The following ZBTB20 variants were observed in gnomAD, a reference collection of about 807,000 sequenced individuals.
ZBTB20 encodes zinc finger and BTB domain containing 20.
ZBTB20 carries 9 observed loss-of-function variants against 56.9 expected under a neutral mutation model. The observed-to-expected ratio is 0.16, with a 90% CI of 0.10 to 0.28. The LOEUF is 0.28. Among genes scored for constraint, ZBTB20 ranks in the 10% least tolerant of loss-of-function variants. The probability of loss-of-function intolerance (pLI) is 1.00; values close to 1 mark genes in which losing one functional copy is unlikely to be tolerated. For synonymous variants in ZBTB20, 417 were observed against 420.7 expected (o/e 0.99, Z 0.11); for missense variants, 655 against 1,003.0 (o/e 0.65, Z 4.69).
chr3:115,037,758 A>T lies in ZBTB20; in HGVS notation c.-507+33461T>A, dbSNP rs1320997548. Among the ~76,000 whole-genome samples, 3 of 152,324 alleles carry T rather than the reference A, an allele frequency of 2.0e-5. No individual in the cohort carries two copies. The East Asian group carries it at 5.8e-4, about 29-fold the overall frequency. ...GAAGTATAAATACATTGGAAGAATTAATCTAGGGGGAGGAATGTGGTTTAA... is the reference window on the plus strand; with the variant it reads ...GAAGTATAAATACATTGGAAGAATTTATCTAGGGGGAGGAATGTGGTTTAA... On this transcript the variant is annotated intron_variant, in intron 2 of 11. Transcript: ENST00000675478.
chr3:115,124,438 C>T (rs929904539), intron 1 of ZBTB20, among the ~76,000 whole-genome samples: 2 of 152,122 alleles, frequency 1.3e-5, no homozygotes, highest in Non-Finnish European at 2.9e-5. Context: ...TTAAAAAATA[C>T]ATATGCATTG....
intron 10 of ZBTB20, among the ~76,000 whole-genome samples, chr3:114,360,404 C>T (rs1225074001): frequency 3.4e-5 from 5 of 147,744 alleles, no homozygotes; most frequent in South Asian, 2.1e-4. Flanking sequence ...AGTGCAGTGG[C>T]GCGATCTCCA....
chr3:115,133,025 T>C (rs538161137), intron 1 of ZBTB20, among the ~76,000 whole-genome samples: 27 of 152,302 alleles, frequency 1.8e-4, no homozygotes, highest in African/African-American at 6.0e-4. Context: ...ATTATACATT[T>C]TTTACTATAT....
intron 2 of ZBTB20, among the ~76,000 whole-genome samples, chr3:115,024,531 A>AC (rs2080340496): frequency 6.6e-6 from 1 of 151,100 alleles, no homozygotes; most frequent in Admixed American, 6.6e-5. Flanking sequence ...CCCTTAAGGC[A>AC]CCCCTTTTGG....
intron 3 of ZBTB20, among the ~76,000 whole-genome samples, chr3:114,953,018 A>G (rs2077124564): frequency 6.6e-6 from 1 of 152,116 alleles, no homozygotes; most frequent in African/African-American, 2.4e-5. Flanking sequence ...CAAAATTACA[A>G]CATTATCTGA....
chr3:114,735,668 G>C (rs768490668), intron 5 of ZBTB20, among the ~76,000 whole-genome samples: 3 of 151,996 alleles, frequency 2.0e-5, no homozygotes, highest in Non-Finnish European at 4.4e-5. Flanking sequence ...TGATAACCAA[G>C]AAATAAGTCA....
intron 5 of ZBTB20, among the ~76,000 whole-genome samples, chr3:114,718,653 T>C (rs932844100): frequency 6.6e-6 from 1 of 152,084 alleles, no homozygotes; most frequent in Non-Finnish European, 1.5e-5. Context: ...TAACTTCTTT[T>C]GAATGTGATA....
intron 3 of ZBTB20, among the ~76,000 whole-genome samples, chr3:114,901,704 A>G (rs1353970632): frequency 6.6e-6 from 1 of 152,126 alleles, no homozygotes; most frequent in Non-Finnish European, 1.5e-5. Flanking sequence ...TTAACAAGGT[A>G]CTTTAAAGAA....
chr3:114,839,645 T>C (rs911692595), intron 4 of ZBTB20, among the ~76,000 whole-genome samples: 1 of 152,100 alleles, frequency 6.6e-6, no homozygotes, highest in African/African-American at 2.4e-5. Context: ...GTGACCTTAT[T>C]TGGAAAAAGG....
intron 2 of ZBTB20, among the ~76,000 whole-genome samples, chr3:115,037,094 G>T (rs765969795): frequency 2.0e-5 from 3 of 152,102 alleles, no homozygotes; most frequent in Admixed American, 6.5e-5. Context: ...TGTTTATTAA[G>T]CTTTTACTAA....
At chr3:114,681,195 C>T (rs1242594696) in intron 6 of ZBTB20, among the ~76,000 whole-genome samples, 2 of 148,738 alleles carry the variant, frequency 1.3e-5, no homozygotes, top group African/African-American at 2.5e-5. Context: ...AGTCTCACTC[C>T]GTAACCCAGA....
chr3:114,884,961 A>G (rs1311908113), intron 4 of ZBTB20, among the ~76,000 whole-genome samples: 2 of 152,194 alleles, frequency 1.3e-5, no homozygotes, highest in African/African-American at 2.4e-5. Flanking sequence ...AATGAATTCA[A>G]TCCCTCCCTT....
intron 6 of ZBTB20, among the ~76,000 whole-genome samples, chr3:114,692,113 G>C (rs1196018312): frequency 6.6e-6 from 1 of 152,154 alleles, no homozygotes; most frequent in Non-Finnish European, 1.5e-5. Flanking sequence ...AAACTGGCTT[G>C]TTTGCAAGCC....
At chr3:114,672,693 C>T (rs1369703214) in intron 6 of ZBTB20, among the ~76,000 whole-genome samples, 1 of 152,128 alleles carries the variant, frequency 6.6e-6, no homozygotes, top group East Asian at 1.9e-4. Context: ...TTTTCCCTTT[C>T]CTGGAAGCGC....
At chr3:114,877,079 T>C (rs1163501919) in intron 4 of ZBTB20, among the ~76,000 whole-genome samples, 1 of 152,194 alleles carries the variant, frequency 6.6e-6, no homozygotes, top group Non-Finnish European at 1.5e-5. Flanking sequence ...AACTGGATGG[T>C]AAACTATTTT....
intron 3 of ZBTB20, among the ~76,000 whole-genome samples, chr3:114,931,941 C>T (rs1314252770): frequency 6.6e-6 from 1 of 152,156 alleles, no homozygotes; most frequent in Non-Finnish European, 1.5e-5. Flanking sequence ...AAGTGAGGTT[C>T]GAAAATCCTT....
intron 6 of ZBTB20, among the ~76,000 whole-genome samples, chr3:114,689,701 A>G (rs951817616): frequency 1.3e-5 from 2 of 152,194 alleles, no homozygotes; most frequent in African/African-American, 2.4e-5. Context: ...GGTGAAATAT[A>G]TAATACATAA....
At chr3:115,038,461 A>G (rs544845902) in intron 2 of ZBTB20, among the ~76,000 whole-genome samples, 58 of 152,294 alleles carry the variant, frequency 3.8e-4, no homozygotes, top group African/African-American at 1.4e-3. Context: ...ATAGATGTAA[A>G]TACAATTAGT....
intron 1 of ZBTB20, among the ~76,000 whole-genome samples, chr3:115,091,868 G>A (rs2083207801): frequency 6.6e-6 from 1 of 152,004 alleles, no homozygotes; most frequent in South Asian, 2.1e-4. Context: ...AGAAGCTCAA[G>A]GTTTAGTTGG....
Sources: allele counts gnomAD v4.1 joint callset (sites outside exome capture counted in the v4.1 genomes callset), GRCh38; gene constraint gnomAD v4.1.1; transcripts MANE v1.5; gene names NCBI Gene and HGNC (gene_info 2026-07-23, HGNC 2026-07-21).